The following DLGAP2 variants were observed in gnomAD, a reference collection of about 807,000 sequenced individuals.
The protein encoded by DLGAP2 is disks large-associated protein 2.
Under a neutral mutation model 100.3 loss-of-function variants are expected in DLGAP2, and 26 were observed. The ratio of observed to expected loss-of-function variants is 0.26; its 90% confidence interval spans 0.19 to 0.36. The LOEUF is 0.36. Ranked by LOEUF, DLGAP2 falls within the 10% of genes least tolerant of loss-of-function variation. DLGAP2 has a pLI of 1.00. For synonymous variants in DLGAP2, 886 were observed against 630.1 expected (o/e 1.41, Z -6.08); for missense variants, 1,858 against 1,453.2 (o/e 1.28, Z -4.53).
intron 2 of DLGAP2, among the ~76,000 whole-genome samples, chr8:1,206,987 C>T (rs1191000039): frequency 6.6e-6 from 1 of 152,182 alleles, no homozygotes; most frequent in Non-Finnish European, 1.5e-5. Context: ...GCCCACCCTC[C>T]CAGAGAGGCT....
At chr8:828,418 A>T (rs1395676367) in intron 1 of DLGAP2, among the ~76,000 whole-genome samples, 7 of 152,094 alleles carry the variant, frequency 4.6e-5, no homozygotes, top group Admixed American at 3.3e-4. Flanking sequence ...TATTTCTCCC[A>T]TTTGCTTTTG....
At chr8:740,672 G>A (rs531032525) in intron 1 of DLGAP2, among the ~76,000 whole-genome samples, 2 of 152,246 alleles carry the variant, frequency 1.3e-5, no homozygotes, top group Middle Eastern at 3.4e-3. Flanking sequence ...AGGGTGAGAG[G>A]ATTTTGTTTT....
chr8:813,446 T>G (rs1429594852), intron 1 of DLGAP2, among the ~76,000 whole-genome samples: 1 of 152,202 alleles, frequency 6.6e-6, no homozygotes, highest in Non-Finnish European at 1.5e-5. Flanking sequence ...TTGTTTCTTT[T>G]TATTAGAAAA....
At chr8:1,003,741 G>T (rs1217100687) in intron 2 of DLGAP2, among the ~76,000 whole-genome samples, 3 of 152,174 alleles carry the variant, frequency 2.0e-5, no homozygotes, top group Non-Finnish European at 4.4e-5. Context: ...TGTTGTCTGA[G>T]CGCCTGGATT....
chr8:819,481 C>A (rs1232115396), intron 1 of DLGAP2, among the ~76,000 whole-genome samples: 1 of 152,138 alleles, frequency 6.6e-6, no homozygotes, highest in East Asian at 1.9e-4. Context: ...TATTCCATTT[C>A]TTCTGAAGTC....
At chr8:1,302,718 C>T (rs6980890) in intron 3 of DLGAP2, 37,549 of 152,174 alleles carry the variant, frequency 0.25, 4,787 homozygotes, top group South Asian at 0.37. Context: ...ACCCCAGTTA[C>T]GGGTAACGGG....
chr8:1,332,696 G>T lies in DLGAP2; in HGVS notation c.106+73813G>T, dbSNP rs73670763. Among the ~76,000 whole-genome samples, 216 of 152,308 alleles carry T rather than the reference G, an allele frequency of 1.4e-3. 2 individuals carry two copies. The highest frequency in any genetic ancestry group is 5.0e-3 in the African/African-American group (208 of 41,574). On this transcript the variant is annotated intron_variant, in intron 3 of 14. Transcript: ENST00000637795. ...AACCTGCAGCCGCGAGGAGCACTCAGAATTCACGTCTGAGTCACTGGTGAG... is the reference window on the plus strand; with the variant it reads ...AACCTGCAGCCGCGAGGAGCACTCATAATTCACGTCTGAGTCACTGGTGAG...
At chr8:1,547,920 T>A (rs1045379239) in intron 4 of DLGAP2, among the ~76,000 whole-genome samples, 1 of 152,224 alleles carries the variant, frequency 6.6e-6, no homozygotes, top group African/African-American at 2.4e-5. Context: ...ATGTGATACA[T>A]GAGCTTACTA....
At position 1,678,374 on chromosome 8, in the gene DLGAP2, G is replaced by A. The variant is rs377276862; in HGVS notation, c.2449G>A (p.Ala817Thr). 1.4e-5 allele frequency: 23 copies of A among 1,613,864 alleles called. No homozygotes were observed. The highest frequency in any genetic ancestry group is 1.2e-4 in the Admixed American group (7 of 60,008). ...GCCCAGCACCCCCACCCAGTACAGC[G>A]CGGTGAGAACTGTACGGACCCAGGG... ...SEPSTPTQYS[A>T]VRTVRTQGLF... Residue 817 changes from alanine to threonine, a missense_variant, in exon 12 of 15, where the codon GCG becomes ACG. Transcript: ENST00000637795.
At chr8:1,500,697 C>T (rs1799691838) in intron 3 of DLGAP2, among the ~76,000 whole-genome samples, 2 of 152,230 alleles carry the variant, frequency 1.3e-5, no homozygotes, top group African/African-American at 2.4e-5. Flanking sequence ...GCTCAGTGAC[C>T]CCAAGACCTT....
At chr8:1,230,908 G>GA (rs564417338) in intron 2 of DLGAP2, among the ~76,000 whole-genome samples, 9 of 151,724 alleles carry the variant, frequency 5.9e-5, no homozygotes, top group African/African-American at 1.7e-4. Context: ...AGAATCCTAA[G>GA]AAAAAAAATA....
At chr8:1,603,995 T>A (rs140125229) in intron 6 of DLGAP2, among the ~76,000 whole-genome samples, 355 of 152,052 alleles carry the variant, frequency 2.3e-3, no homozygotes, top group African/African-American at 8.3e-3. Flanking sequence ...CGTCGGCACC[T>A]CTCCTCAAGT....
In DLGAP2 at chr8:1,676,664, C is replaced by G. The variant is rs372528299; in HGVS notation, c.2288+46C>G. Reference sequence around the variant, plus strand: ...ACGCGGTGACCCCCGAGCGAGGGCTCTTTGTCAAAGGCCTGATGGAAGCTC... The same window carrying G: ...ACGCGGTGACCCCCGAGCGAGGGCTGTTTGTCAAAGGCCTGATGGAAGCTC... On this transcript the variant is annotated intron_variant, in intron 11 of 14. Coordinates refer to ENST00000637795, the MANE Select transcript of DLGAP2 (RefSeq NM_001346810.2). The G allele has an allele frequency of 1.1e-4, 167 of 1,566,684 alleles. No individual in the cohort carries two copies. In the African/African-American group the frequency reaches 2.0e-3, roughly 18 times the overall value.
At chr8:1,614,600 C>T (rs1797088943) in intron 6 of DLGAP2, among the ~76,000 whole-genome samples, 4 of 152,230 alleles carry the variant, frequency 2.6e-5, no homozygotes, top group Admixed American at 2.6e-4. Flanking sequence ...GGAGACCTCC[C>T]AGGCGGAGCC....
At chr8:1,343,503 C>A (rs79318425) in intron 3 of DLGAP2, among the ~76,000 whole-genome samples, 1 of 152,098 alleles carries the variant, frequency 6.6e-6, no homozygotes, top group Non-Finnish European at 1.5e-5. Flanking sequence ...CCACATGGCC[C>A]AGGGCCCAGG....
intron 1 of DLGAP2, among the ~76,000 whole-genome samples, chr8:799,044 T>A (rs1796094699): frequency 6.6e-6 from 1 of 152,240 alleles, no homozygotes; most frequent in Non-Finnish European, 1.5e-5. Flanking sequence ...CATGTTGGGA[T>A]TAAGAGACTC....
At chr8:828,006 C>G (rs1047406126) in intron 1 of DLGAP2, among the ~76,000 whole-genome samples, 7 of 152,072 alleles carry the variant, frequency 4.6e-5, no homozygotes. Flanking sequence ...TAGGGATTTT[C>G]AAAAGGGGAG....
rs1801686029 is a variant in DLGAP2 at position 1,549,506 on chromosome 8, C to T, written c.1053C>T (p.Cys351=). 6.2e-7 allele frequency: 1 copy of T among 1,613,530 alleles called. No homozygotes were observed. Among genetic ancestry groups the T allele is most frequent in the Non-Finnish European group, 8.5e-7 (1 of 1,179,856 alleles). ...KTSKSNNDVK[C]SACEGLALTP... ...CCAAGAGCAACAACGACGTCAAGTG[C>T]TCGGCCTGTGAGGGGTTGGCGCTGA... The change falls in exon 5 of 15, where the codon TGC becomes TGT. Residue 351 remains cysteine (C), a synonymous_variant. Coordinates refer to ENST00000637795, the MANE Select transcript of DLGAP2 (RefSeq NM_001346810.2).
intron 8 of DLGAP2, among the ~76,000 whole-genome samples, chr8:1,650,686 A>C (rs953529885): frequency 1.6e-4 from 24 of 152,206 alleles, no homozygotes; most frequent in African/African-American, 5.5e-4. Flanking sequence ...TTGCTGGAGC[A>C]GAGATGGGAG....
Sources: gnomAD v4.1 joint callset for allele counts (sites outside exome capture counted in the v4.1 genomes callset) on GRCh38, gnomAD v4.1.1 for gene constraint, MANE v1.5 for transcripts, NCBI Gene and HGNC (gene_info 2026-07-23, HGNC 2026-07-21) for gene names.